FLI1: variants seen among roughly 807,000 people sequenced by gnomAD.
The protein encoded by FLI1 is Friend leukemia integration 1 transcription factor.
FLI1 carries 13 observed loss-of-function variants against 53.1 expected under a neutral mutation model. That is an observed-to-expected ratio of 0.24 (90% confidence interval 0.16 to 0.39). The LOEUF (loss-of-function observed/expected upper bound fraction) is 0.39. Among genes scored for constraint, FLI1 ranks in the 10% least tolerant of loss-of-function variants. The probability of loss-of-function intolerance (pLI) is 1.00; values close to 1 mark genes in which losing one functional copy is unlikely to be tolerated. For synonymous variants in FLI1, 244 were observed against 236.7 expected, an observed-to-expected ratio of 1.03 and a Z score of -0.28; for missense variants, 424 against 600.5, an observed-to-expected ratio of 0.71 and a Z score of 3.07.
At chr11:128,752,736 A>G (rs186140964) in intron 1 of FLI1, among the ~76,000 whole-genome samples, 22 of 152,352 alleles carry the variant, frequency 1.4e-4, no homozygotes, top group Admixed American at 1.2e-3. Context: ...TAGAATTGCC[A>G]GGAGGATTAA....
chr11:128,749,563 G>T (rs1170507616), intron 1 of FLI1, among the ~76,000 whole-genome samples: 1 of 152,206 alleles, frequency 6.6e-6, no homozygotes, highest in Admixed American at 6.5e-5. Flanking sequence ...CGGAAGTCAC[G>T]CAAGGCCATT....
At chr11:128,745,096 T>A (rs1368651925) in intron 1 of FLI1, among the ~76,000 whole-genome samples, 1 of 152,152 alleles carries the variant, frequency 6.6e-6, no homozygotes, top group Non-Finnish European at 1.5e-5. Flanking sequence ...TAAATGTACA[T>A]TAAATATGCC....
At chr11:128,709,863 G>C (rs1938714039) in intron 1 of FLI1, among the ~76,000 whole-genome samples, 1 of 152,178 alleles carries the variant, frequency 6.6e-6, no homozygotes, top group Non-Finnish European at 1.5e-5. Flanking sequence ...AATTCAGAGG[G>C]AGATACCAGT....
intron 1 of FLI1, among the ~76,000 whole-genome samples, chr11:128,737,366 A>G (rs976126890): frequency 2.0e-5 from 3 of 152,212 alleles, no homozygotes; most frequent in African/African-American, 7.2e-5. Context: ...TGATAGACAC[A>G]TATGGGGCAT....
At position 128,810,731 on chromosome 11, in the gene FLI1, G is replaced by A; in HGVS notation, c.1102G>A (p.Ala368Thr). 2 of 1,614,036 alleles carry A rather than the reference G, an allele frequency of 1.2e-6. No homozygotes were observed. Among genetic ancestry groups the A allele is most frequent in the Non-Finnish European group, 1.7e-6 (2 of 1,179,894 alleles). Reference sequence around the variant, plus strand: ...ATTTGACTTCCACGGCATTGCCCAGGCTCTGCAGCCACATCCGACCGAGTC... The same window carrying A: ...ATTTGACTTCCACGGCATTGCCCAGACTCTGCAGCCACATCCGACCGAGTC... The part of the protein sequence containing the change: ...YKFDFHGIAQ[A>T]LQPHPTESSM... Residue 368 changes from alanine to threonine, a missense_variant, in exon 9 of 9, where the codon GCT (alanine) becomes ACT (threonine). By Grantham distance (58) the Ala-to-Thr change is moderately conservative (BLOSUM62 0). Coordinates refer to ENST00000527786, the MANE Select transcript of FLI1 (RefSeq NM_002017.5). The surrounding 1 kb of genome is among the most constrained non-coding windows in gnomAD (Gnocchi z 6.6).
intron 8 of FLI1, among the ~76,000 whole-genome samples, chr11:128,809,650 C>T (rs1942886052): frequency 6.6e-6 from 1 of 152,154 alleles, no homozygotes; most frequent in Non-Finnish European, 1.5e-5. Context: ...AGAGATGTGT[C>T]CTGGAAAAGT....
In FLI1 at chr11:128,772,790, C is replaced by T. The variant is rs1228053917; in HGVS notation, c.394C>T (p.Leu132=). Residue 132 remains leucine, a synonymous_variant, in exon 4 of 9, where the codon CTG becomes TTG. Transcript: ENST00000527786. ...CGTCTTCTCCTCTGCAGACCCCACACTGTGGACACAGGAGCATGTGAGGCA... is the reference window on the plus strand; with the variant it reads ...CGTCTTCTCCTCTGCAGACCCCACATTGTGGACACAGGAGCATGTGAGGCA... ...RRVIVPADPT[L]WTQEHVRQWL... 6.2e-7 allele frequency: 1 copy of T among 1,613,908 alleles called. No homozygotes were observed. Among genetic ancestry groups the T allele is most frequent in the Non-Finnish European group, 8.5e-7 (1 of 1,179,764 alleles).
At chr11:128,779,524 T>A (rs1389032446) in intron 4 of FLI1, among the ~76,000 whole-genome samples, 1 of 152,234 alleles carries the variant, frequency 6.6e-6, no homozygotes, top group Non-Finnish European at 1.5e-5. Flanking sequence ...AATTGTGACA[T>A]CTGTGGGAGA....
At chr11:128,690,559 T>G (rs1195284955), upstream of FLI1, among the ~76,000 whole-genome samples, 1 of 152,096 alleles carries the variant, frequency 6.6e-6, no homozygotes, top group African/African-American at 2.4e-5. Flanking sequence ...GACCCGCCGC[T>G]CCCCTCCCGG....
intron 5 of FLI1, 88 bp downstream of exon 5, chr11:128,782,111 G>C (rs1256206807): frequency 1.6e-6 from 2 of 1,228,118 alleles, no homozygotes; most frequent in South Asian, 1.2e-5. Context: ...CAGAAAACCA[G>C]CTTGCGTGTT....
intron 5 of FLI1, chr11:128,804,137 CT>C (rs1159033821): frequency 1.3e-5 from 2 of 152,220 alleles, no homozygotes; most frequent in East Asian, 3.8e-4. Context: ...GTGTCCCTGT[CT>C]TTTGGATCTT....
intron 1 of FLI1, among the ~76,000 whole-genome samples, chr11:128,744,356 T>C (rs1457630170): frequency 2.6e-5 from 4 of 152,196 alleles, no homozygotes; most frequent in Non-Finnish European, 4.4e-5. Flanking sequence ...TCAGTCCTTT[T>C]ATGTAGTAGG....
At chr11:128,797,998 A>G (rs1352689400) in intron 5 of FLI1, among the ~76,000 whole-genome samples, 2 of 152,106 alleles carry the variant, frequency 1.3e-5, no homozygotes, top group Non-Finnish European at 2.9e-5. Context: ...CCCTATGGCC[A>G]AGGAGAAGAA....
chr11:128,811,934 T>G lies in FLI1; in HGVS notation c.*946T>G, dbSNP rs1024557956. On this transcript the variant is annotated 3_prime_UTR_variant, in exon 9 of 9. Transcript: ENST00000527786. ...GAGTTGACCTCGGTCACAAAAGCAG[T>G]TTTACTATCGAATCAATCGCTGTTA... 5.0e-6 allele frequency: 1 copy of G among 200,554 alleles called. No individual in the cohort carries two copies. Among genetic ancestry groups the G allele is most frequent in the Non-Finnish European group, 1.0e-5 (1 of 97,200 alleles). 12.4% of individuals were successfully genotyped at this position (200,554 alleles called of 1,614,324 possible).
At chr11:128,690,553 C>A (rs1282177700), upstream of FLI1, among the ~76,000 whole-genome samples, 3 of 152,222 alleles carry the variant, frequency 2.0e-5, no homozygotes, top group Non-Finnish European at 4.4e-5. Flanking sequence ...CGTTTCGACC[C>A]GCCGCTCCCC....
At position 128,810,329 on chromosome 11, in the gene FLI1, C is replaced by T; in HGVS notation, c.830-130C>T. 4 of 889,064 alleles carry T rather than the reference C, an allele frequency of 4.5e-6. No homozygotes were observed. The highest frequency in any genetic ancestry group is 2.9e-5 in the Admixed American group (1 of 34,244). 55.1% of individuals were successfully genotyped at this position (889,064 alleles called of 1,614,324 possible). ...ATGACATAAGAAGGGCTTGTCAAGT[C>T]GATCCCAATGTCGAAGGAAACAAAA... is the stretch of plus-strand genomic sequence containing the variant. On this transcript the variant is annotated intron_variant, in intron 8 of 8. Transcript: ENST00000527786. This position sits in a 1 kb window ranked among gnomAD's most constrained non-coding sequence, Gnocchi z 6.6.
intron 2 of FLI1, among the ~76,000 whole-genome samples, chr11:128,766,112 G>C (rs934170913): frequency 1.3e-5 from 2 of 152,196 alleles, no homozygotes; most frequent in African/African-American, 4.8e-5. Flanking sequence ...GCATGTGTGT[G>C]AGTGTGTGCC....
chr11:128,711,800 T>C (rs2135719312), intron 1 of FLI1, among the ~76,000 whole-genome samples: 1 of 152,368 alleles, frequency 6.6e-6, no homozygotes, highest in African/African-American at 2.4e-5. Flanking sequence ...TATTAACAGA[T>C]GGTTTGCTTT....
chr11:128,764,818 C>T (rs532013590), intron 2 of FLI1: 60 of 1,592,564 alleles, frequency 3.8e-5, no homozygotes, highest in African/African-American at 9.3e-5. Flanking sequence ...GGCGAGCGGG[C>T]GAGGTATGGC....
Sources: allele counts gnomAD v4.1 joint callset (sites outside exome capture counted in the v4.1 genomes callset), GRCh38; gene constraint gnomAD v4.1.1; non-coding constraint Gnocchi (gnomAD v3.1); transcripts MANE v1.5; gene names NCBI Gene and HGNC (gene_info 2026-07-23, HGNC 2026-07-21).